SETX: variants seen among roughly 807,000 people sequenced by gnomAD.
SETX encodes senataxin.
In SETX, 90 loss-of-function variants were observed where a neutral mutation model predicts 227.2. That is an observed-to-expected ratio of 0.40 (90% confidence interval 0.33 to 0.47). SETX has a LOEUF of 0.47. SETX is among the 20% of genes least tolerant of loss of function. SETX has a pLI of 0.91. For missense variants in SETX, 3,052 were observed against 3,181.5 expected, an observed-to-expected ratio of 0.96 and a Z score of 0.98; for synonymous variants, 1,210 against 1,113.2, an observed-to-expected ratio of 1.09 and a Z score of -1.73.
At chr9:132,342,273 T>C (rs2131538399) in intron 5 of SETX, among the ~76,000 whole-genome samples, 1 of 152,306 alleles carries the variant, frequency 6.6e-6, no homozygotes, top group South Asian at 2.1e-4. Context: ...TCTTCATCTC[T>C]AGCACCAGAA....
Position 132,298,268 on chromosome 9 carries a change from CTT to C in SETX, c.5591_5592del (p.Gln1864ArgfsTer34), listed in dbSNP as rs776470487. 13 of 1,613,930 alleles carry C rather than the reference CTT, an allele frequency of 8.1e-6. No homozygotes were observed. In the African/African-American group the frequency reaches 9.3e-5, roughly 12 times the overall value. On this transcript the variant is annotated frameshift_variant, in exon 13 of 26. Transcript: ENST00000224140. LOFTEE classifies it high-confidence loss of function. ...TCGTTTAAATTGGCCGGAAAGTTCT[CTT>C]GAGTCTGGATGGAAAGGTAACACTC... Reference protein sequence around the residue: ...KTECYLSIQTQENFPANLNEL... With the variant: ...KTECYLSIQTXENFPANLNEL...
intron 10 of SETX, among the ~76,000 whole-genome samples, chr9:132,313,871 G>C (rs909689330): frequency 1.3e-5 from 2 of 149,210 alleles, no homozygotes; most frequent in African/African-American, 4.9e-5. Flanking sequence ...CTGAACATAA[G>C]AACATTTAGA....
At chr9:132,313,471 T>C (rs182683660) in intron 10 of SETX, among the ~76,000 whole-genome samples, 4 of 152,304 alleles carry the variant, frequency 2.6e-5, no homozygotes, top group Non-Finnish European at 4.4e-5. Flanking sequence ...ATAGTCAAGC[T>C]ACAATGACCG....
In SETX at chr9:132,327,139, A is replaced by T. The variant is rs772466321; in HGVS notation, c.4459T>A (p.Ser1487Thr). 19 of 1,614,064 alleles carry T rather than the reference A, an allele frequency of 1.2e-5. No homozygotes were observed. The highest frequency in any genetic ancestry group is 1.6e-5 in the Non-Finnish European group (19 of 1,180,046). Residue 1487 changes from serine (S) to threonine (T), a missense_variant, in exon 10 of 26, where the codon TCC becomes ACC. This residue lies in a region of SETX where 1,483 missense variants were observed against 1,312.0 expected (regional missense o/e 1.13). Coordinates refer to ENST00000224140, the MANE Select transcript of SETX (RefSeq NM_015046.7). ...MAALKEGEPD[S>T]SSDAEEDNLF... ...TTATCTTCCTCTGCATCACTGCTGG[A>T]GTCAGGCTCTCCTTCTTTCAAAGCT...
intron 11 of SETX, among the ~76,000 whole-genome samples, chr9:132,302,288 C>T (rs938350625): frequency 5.4e-5 from 7 of 129,192 alleles, no homozygotes; most frequent in East Asian, 2.7e-4. Flanking sequence ...ACCCAGGAGG[C>T]GGAGCTTGCA....
upstream of SETX, among the ~76,000 whole-genome samples, chr9:132,355,302 G>A (rs1848856677): frequency 6.6e-6 from 1 of 152,182 alleles, no homozygotes; most frequent in Non-Finnish European, 1.5e-5. Context: ...TCTGCTGCGG[G>A]TGGGGTCAGC....
At chr9:132,292,503 GT>G (rs1052454638) in intron 15 of SETX, among the ~76,000 whole-genome samples, 3 of 148,328 alleles carry the variant, frequency 2.0e-5, no homozygotes, top group African/African-American at 7.4e-5. Context: ...TACTTATTCT[GT>G]TAAAAAAAAG....
intron 15 of SETX, among the ~76,000 whole-genome samples, chr9:132,289,067 C>CATAAAAAT (rs1482260579): frequency 6.6e-6 from 1 of 152,154 alleles, no homozygotes; most frequent in African/African-American, 2.4e-5. Context: ...ATAAACCAGC[C>CATAAAAAT]ATAAAAATAT....
chr9:132,325,026 T>C (rs1304711184), intron 10 of SETX, among the ~76,000 whole-genome samples: 2 of 152,104 alleles, frequency 1.3e-5, no homozygotes, highest in Non-Finnish European at 2.9e-5. Context: ...GTGCTGGGGT[T>C]GGGGAGGCTG....
At chr9:132,332,504 T>C (rs1847302272) in intron 7 of SETX, among the ~76,000 whole-genome samples, 1 of 152,232 alleles carries the variant, frequency 6.6e-6, no homozygotes, top group Non-Finnish European at 1.5e-5. Flanking sequence ...TCATTTGAAC[T>C]TTCTTATATA....
intron 20 of SETX, among the ~76,000 whole-genome samples, chr9:132,279,487 A>G (rs879700130): frequency 6.6e-6 from 1 of 152,220 alleles, no homozygotes; most frequent in African/African-American, 2.4e-5. Flanking sequence ...AACTTCACTA[A>G]GATGATGGAA....
chr9:132,355,636 C>A (rs1289224484), upstream of SETX, among the ~76,000 whole-genome samples: 1 of 151,972 alleles, frequency 6.6e-6, no homozygotes, highest in Non-Finnish European at 1.5e-5. Context: ...GCCCGGAGTT[C>A]AGAGACCAGC....
rs778210918 is a variant in SETX, at chr9:132,264,909, T to C, written c.7364A>G (p.Tyr2455Cys). 3 of 1,614,036 alleles carry C rather than the reference T, an allele frequency of 1.9e-6. No individual in the cohort carries two copies. The highest frequency in any genetic ancestry group is 1.3e-5 in the African/African-American group (1 of 74,914). Reference sequence around the variant, plus strand: ...CAGAATCTTCACTGCATCATGTCTATAGTTTTTGTCACAGGTCTTAATAAT... The same window carrying C: ...CAGAATCTTCACTGCATCATGTCTACAGTTTTTGTCACAGGTCTTAATAAT... ...GAIIKTCDKN[Y>C]RHDAVKILKL... The change falls in exon 26 of 26, where the codon TAT becomes TGT. Residue 2455 changes from tyrosine (Y) to cysteine (C), a missense_variant. Coordinates refer to ENST00000224140, the MANE Select transcript of SETX (RefSeq NM_015046.7).
At chr9:132,356,569 G>C (rs1464164172), upstream of SETX, among the ~76,000 whole-genome samples, 1 of 152,152 alleles carries the variant, frequency 6.6e-6, no homozygotes, top group Admixed American at 6.5e-5. Flanking sequence ...ACAGTTAATA[G>C]AGGAGACAGG....
At position 132,264,294 on chromosome 9, in the gene SETX, T is replaced by C. The variant is rs567672087; in HGVS notation, c.7979A>G (p.Asp2660Gly). 72 of 1,614,228 alleles carry C rather than the reference T, an allele frequency of 4.5e-5. 1 individual carries two copies. The South Asian group carries it at 7.1e-4, about 16-fold the overall frequency. ...THHTRRNSRW[D>G]KRTLEQEDSS... The stretch of plus-strand genomic sequence containing the variant: ...GTCCTCCTGCTCCAGTGTCCTCTTG[T>C]CCCACCTAGAGTTCCTCCTGGTGTG... The change falls in exon 26 of 26, where the codon GAC (aspartate) becomes GGC (glycine). Residue 2660 changes from aspartate to glycine, a missense_variant. Physicochemically the swap from Asp to Gly is moderately conservative, Grantham distance 94. Around this residue, in one of 10 missense-constraint regions of SETX, gnomAD observed 294 missense variants for 278.8 expected, o/e 1.05. Coordinates refer to ENST00000224140, the MANE Select transcript of SETX (RefSeq NM_015046.7).
chr9:132,318,222 A>G (rs1395502325), intron 10 of SETX, among the ~76,000 whole-genome samples: 1 of 151,948 alleles, frequency 6.6e-6, no homozygotes, highest in Non-Finnish European at 1.5e-5. Flanking sequence ...GTTGTTCTTT[A>G]TGGTTTCTCC....
chr9:132,287,094 CCTTT>C (rs1843947282), intron 17 of SETX, among the ~76,000 whole-genome samples: 1 of 152,144 alleles, frequency 6.6e-6, no homozygotes, highest in Non-Finnish European at 1.5e-5. Context: ...AAGCTAATTC[CCTTT>C]CTGTCTAACC....
At chr9:132,334,183 T>C (rs190960704) in intron 7 of SETX, among the ~76,000 whole-genome samples, 166 of 152,322 alleles carry the variant, frequency 1.1e-3, no homozygotes, top group African/African-American at 3.9e-3. Flanking sequence ...AAAAGTCTCA[T>C]GCCTGTAATC....
intron 9 of SETX, among the ~76,000 whole-genome samples, chr9:132,330,728 G>C (rs918252008): frequency 6.6e-6 from 1 of 152,108 alleles, no homozygotes; most frequent in Non-Finnish European, 1.5e-5. Context: ...TTCATAAAAA[G>C]ACAAATTGGT....
Sources: allele counts gnomAD v4.1 joint callset (sites outside exome capture counted in the v4.1 genomes callset), GRCh38; gene constraint gnomAD v4.1.1; regional missense constraint gnomAD v4.1.1; transcripts MANE v1.5; gene names NCBI Gene and HGNC (gene_info 2026-07-23, HGNC 2026-07-21).